Variants in IKZF1 observed in about 807,000 individuals in gnomAD.
The protein encoded by IKZF1 is DNA-binding protein Ikaros.
Under a neutral mutation model 51.7 loss-of-function variants are expected in IKZF1, and 10 were observed. The ratio of observed to expected loss-of-function variants is 0.19; its 90% CI spans 0.12 to 0.33. IKZF1 has a LOEUF of 0.33. Among genes scored for constraint, IKZF1 ranks in the 10% least tolerant of loss-of-function variants. The probability of loss-of-function intolerance (pLI) is 1.00; values close to 1 mark genes in which losing one functional copy is unlikely to be tolerated. For synonymous variants in IKZF1, 280 were observed against 282.3 expected (o/e 0.99, Z 0.08); for missense variants, 484 against 707.5 (o/e 0.68, Z 3.58).
chr7:50,373,223 A>G (rs1170480410), intron 3 of IKZF1, among the ~76,000 whole-genome samples: 5 of 152,242 alleles, frequency 3.3e-5, no homozygotes, highest in Admixed American at 1.3e-4. Context: ...TCCTGAAGCC[A>G]GAAACCCAAA....
chr7:50,404,748 T>C lies in IKZF1; in HGVS notation c.*4121T>C, dbSNP rs1231652725. The C allele has an allele frequency of 8.7e-6, 2 of 230,716 alleles. No homozygotes were observed. The highest frequency in any genetic ancestry group is 2.2e-5 in the African/African-American group (1 of 45,196). The allele number at this position is 230,716 out of a possible 1,614,324, so 14.3% of individuals were successfully genotyped here. A position where few individuals can be genotyped will look rare whatever the true frequency, so the allele number is the denominator to read the frequency against. ...CTCCACTGCAGCATGCTTCAGTCAT[T>C]CTGTGAGTGGCCGGGCCCAGGGCCC... On this transcript the variant is annotated 3_prime_UTR_variant, in exon 8 of 8. Transcript: ENST00000331340.
At chr7:50,362,711 A>G (rs1002117227) in intron 3 of IKZF1, among the ~76,000 whole-genome samples, 3 of 152,146 alleles carry the variant, frequency 2.0e-5, no homozygotes, top group African/African-American at 7.2e-5. Flanking sequence ...AGATTTTGAC[A>G]CAGGACTGGA....
intron 3 of IKZF1, among the ~76,000 whole-genome samples, chr7:50,360,915 G>A (rs1445094744): frequency 8.5e-5 from 13 of 152,212 alleles, no homozygotes; most frequent in Admixed American, 7.9e-4. Flanking sequence ...CCTGCCCGCC[G>A]TGTGACCCAC....
At chr7:50,389,109 A>C (rs958247900) in intron 6 of IKZF1, among the ~76,000 whole-genome samples, 3 of 152,208 alleles carry the variant, frequency 2.0e-5, no homozygotes, top group African/African-American at 2.4e-5. Flanking sequence ...GAGAAGCAGC[A>C]CTCATTTCAC....
At chr7:50,370,029 C>T (rs981883897) in intron 3 of IKZF1, among the ~76,000 whole-genome samples, 1 of 152,136 alleles carries the variant, frequency 6.6e-6, no homozygotes, top group Non-Finnish European at 1.5e-5. Context: ...CTCTTCACCT[C>T]AAATTTTCAT....
At chr7:50,382,834 C>A in intron 5 of IKZF1, 127 bp downstream of exon 5, 1 of 1,184,634 alleles carries the variant, frequency 8.4e-7, no homozygotes, top group South Asian at 1.6e-5. Flanking sequence ...AGTCCTGCAT[C>A]GGGTGTGAGC....
chr7:50,346,466 A>G (rs1338207397), intron 3 of IKZF1, among the ~76,000 whole-genome samples: 4 of 152,298 alleles, frequency 2.6e-5, no homozygotes, highest in South Asian at 4.1e-4. Context: ...CAGCTCTACA[A>G]AGCCCTCTAA....
At chr7:50,381,187 A>G (rs566645183) in intron 4 of IKZF1, among the ~76,000 whole-genome samples, 164 of 152,338 alleles carry the variant, frequency 1.1e-3, no homozygotes, top group Non-Finnish European at 2.1e-3. Flanking sequence ...GTGGATGTTA[A>G]TAGTGCCAGA....
At chr7:50,384,419 T>A (rs1430644390) in intron 5 of IKZF1, among the ~76,000 whole-genome samples, 1 of 152,210 alleles carries the variant, frequency 6.6e-6, no homozygotes, top group Non-Finnish European at 1.5e-5. Flanking sequence ...TGATTTGACT[T>A]CCTAAAAACT....
chr7:50,347,354 C>G (rs545402991), intron 3 of IKZF1, among the ~76,000 whole-genome samples: 1 of 152,286 alleles, frequency 6.6e-6, no homozygotes, highest in East Asian at 1.9e-4. Flanking sequence ...GGATCAGATC[C>G]TAGAGCCTCT....
chr7:50,351,287 T>C (rs1159331584), intron 3 of IKZF1, among the ~76,000 whole-genome samples: 2 of 152,370 alleles, frequency 1.3e-5, no homozygotes, highest in East Asian at 3.9e-4. Flanking sequence ...CTTATCTTGA[T>C]GTAAAATCAT....
chr7:50,311,849 A>G (rs1156276631), intron 1 of IKZF1, among the ~76,000 whole-genome samples: 4 of 152,190 alleles, frequency 2.6e-5, no homozygotes, highest in African/African-American at 9.7e-5. Flanking sequence ...TTACTGTTAT[A>G]AGTTTGTGTT....
Position 50,404,499 on chromosome 7 carries a change from TG to T in IKZF1, c.*3873del, listed in dbSNP as rs779244554. 4 of 229,798 alleles carry T rather than the reference TG, an allele frequency of 1.7e-5. No individual in the cohort carries two copies. The highest frequency in any genetic ancestry group is 3.5e-5 in the Non-Finnish European group (4 of 115,906). The allele number at this position is 229,798 out of a possible 1,614,324, so 14.2% of individuals were successfully genotyped here. ...GAGAAGGCCCAGCAGAGCAGGAATC[TG>T]CCTAGACTTTCTCCCAATGAGATCC... is the stretch of plus-strand genomic sequence containing the variant. On this transcript the variant is annotated 3_prime_UTR_variant, in exon 8 of 8. Transcript: ENST00000331340.
chr7:50,357,798 G>A (rs1036766484), intron 3 of IKZF1, among the ~76,000 whole-genome samples: 4 of 152,178 alleles, frequency 2.6e-5, no homozygotes, highest in South Asian at 2.1e-4. Context: ...CAGGACACAC[G>A]GAGTGGGAGG....
chr7:50,382,985 C>G (rs1220666725), intron 5 of IKZF1, among the ~76,000 whole-genome samples: 1 of 152,214 alleles, frequency 6.6e-6, no homozygotes, highest in Non-Finnish European at 1.5e-5. Flanking sequence ...AACAGGCCTC[C>G]TCATCCCGTT....
chr7:50,308,703 T>C (rs1584356182), intron 1 of IKZF1: 1 of 152,398 alleles, frequency 6.6e-6, no homozygotes, highest in East Asian at 1.9e-4. Flanking sequence ...GGTTCCACCT[T>C]TCTCTGCACC....
chr7:50,366,367 A>C (rs1257034590), intron 3 of IKZF1, among the ~76,000 whole-genome samples: 1 of 152,234 alleles, frequency 6.6e-6, no homozygotes, highest in Non-Finnish European at 1.5e-5. Context: ...CAAGGCTTAC[A>C]CTTTGATGCC....
intron 3 of IKZF1, among the ~76,000 whole-genome samples, chr7:50,372,253 CA>C (rs1808909695): frequency 6.6e-6 from 1 of 152,200 alleles, no homozygotes; most frequent in African/African-American, 2.4e-5. Context: ...CATTTTTCCG[CA>C]AAGAAAAGAG....
rs1181097515 is a variant in IKZF1, at chr7:50,403,245, T to C, written c.*2618T>C. On this transcript the variant is annotated 3_prime_UTR_variant, in exon 8 of 8. Transcript: ENST00000331340. ...ATTATGTCAGCAAGTAATTAACTTA[T>C]GTTTAAAAGGTGGCCATATCATGTA... 2 of 221,040 alleles carry C rather than the reference T, an allele frequency of 9.0e-6. No individual in the cohort carries two copies. Among genetic ancestry groups the C allele is most frequent in the East Asian group, 6.6e-5 (1 of 15,122 alleles). The allele number at this position is 221,040 out of a possible 1,614,324, so 13.7% of individuals were successfully genotyped here.
Sources: allele counts gnomAD v4.1 joint callset (sites outside exome capture counted in the v4.1 genomes callset), GRCh38; gene constraint gnomAD v4.1.1; transcripts MANE v1.5; gene names NCBI Gene and HGNC (gene_info 2026-07-23, HGNC 2026-07-21).